The following LOC128462377 variants were observed in gnomAD, a reference collection of about 807,000 sequenced individuals.
At chr16:89,325,981 C>T in the LOC128462377 span, among the ~76,000 whole-genome samples, 13 of 152,334 alleles carry the variant, frequency 8.5e-5, no homozygotes, top group East Asian at 2.1e-3. Context: ...ATACACACTG[C>T]AGGGCACCCA....
chr16:89,349,629 C>T, the LOC128462377 span, among the ~76,000 whole-genome samples: 543 of 152,170 alleles, frequency 3.6e-3, 4 homozygotes, highest in African/African-American at 0.012. Context: ...TCTAACCTTA[C>T]CTTATGCCAT....
At chr16:89,330,557 T>C in the LOC128462377 span, among the ~76,000 whole-genome samples, 13 of 146,498 alleles carry the variant, frequency 8.9e-5, no homozygotes, top group African/African-American at 3.3e-4. Flanking sequence ...GATGGGGTGG[T>C]GTGGGGGGGA....
At chr16:89,360,836 C>G in the LOC128462377 span, 1 of 152,280 alleles carries the variant, frequency 6.6e-6, no homozygotes, top group African/African-American at 2.4e-5. Context: ...GATACCTGGT[C>G]AGTCACAGCC....
chr16:89,376,386 C>T, the LOC128462377 span, among the ~76,000 whole-genome samples: 222 of 152,310 alleles, frequency 1.5e-3, no homozygotes, highest in Non-Finnish European at 2.9e-3. Context: ...GATGAGGTCC[C>T]AGACACCATG....
chr16:89,319,186 A>G, the LOC128462377 span, among the ~76,000 whole-genome samples: 1 of 152,258 alleles, frequency 6.6e-6, no homozygotes, highest in African/African-American at 2.4e-5. Flanking sequence ...GCCCACGGAC[A>G]CACTCAACAG....
the LOC128462377 span, among the ~76,000 whole-genome samples, chr16:89,378,380 T>G: frequency 6.6e-6 from 1 of 152,240 alleles, no homozygotes; most frequent in East Asian, 1.9e-4. Flanking sequence ...ACATATATAA[T>G]GATTTCATCA....
At chr16:89,360,081 C>T in the LOC128462377 span, among the ~76,000 whole-genome samples, 112 of 152,250 alleles carry the variant, frequency 7.4e-4, no homozygotes, top group African/African-American at 2.6e-3. Context: ...AGTAGACCCC[C>T]GTGTCTGGTG....
chr16:89,414,822 C>T, the LOC128462377 span, among the ~76,000 whole-genome samples: 40 of 152,242 alleles, frequency 2.6e-4, no homozygotes, highest in Non-Finnish European at 2.9e-4. Context: ...AGCACAGCAC[C>T]GTGTACTGAA....
At chr16:89,415,034 T>C in the LOC128462377 span, among the ~76,000 whole-genome samples, 3 of 151,968 alleles carry the variant, frequency 2.0e-5, no homozygotes, top group Non-Finnish European at 4.4e-5. Context: ...AGCCTCAACC[T>C]CCTGGGCTCA....
At chr16:89,395,454 G>A in the LOC128462377 span, among the ~76,000 whole-genome samples, 16 of 152,234 alleles carry the variant, frequency 1.1e-4, no homozygotes, top group East Asian at 3.8e-4. Context: ...GCCAGCCCAC[G>A]GCTGGGACAC....
chr16:89,384,879 C>CTTTTTTTTTTTTTTTTTTTTTTTTTTTT, the LOC128462377 span, among the ~76,000 whole-genome samples: 21 of 49,940 alleles, frequency 4.2e-4, 3 homozygotes, highest in Non-Finnish European at 4.9e-4. Flanking sequence ...AAATAGTTTT[C>CTTTTTTTTTTTTTTTTTTTTTTTTTTTT]TTTTTTTTTT....
chr16:89,341,925 G>A, the LOC128462377 span, among the ~76,000 whole-genome samples: 263 of 144,844 alleles, frequency 1.8e-3, 1 homozygote, highest in African/African-American at 6.8e-3. Context: ...GGCCCACGGC[G>A]GGAGTGCTGC....
chr16:89,399,869 A>G, the LOC128462377 span, among the ~76,000 whole-genome samples: 6 of 152,274 alleles, frequency 3.9e-5, no homozygotes, highest in Non-Finnish European at 8.8e-5. Flanking sequence ...CAGGGCTTGG[A>G]TTCACACAGC....
chr16:89,372,716 G>A, the LOC128462377 span: 1 of 152,146 alleles, frequency 6.6e-6, no homozygotes, highest in Non-Finnish European at 1.5e-5. Flanking sequence ...GCTAGTAAAC[G>A]CTGAGCCCGG....
chr16:89,368,997 T>G, the LOC128462377 span, among the ~76,000 whole-genome samples: 1 of 152,118 alleles, frequency 6.6e-6, no homozygotes, highest in Admixed American at 6.5e-5. Context: ...GCATAGAGAC[T>G]TGGGAGTCAA....
chr16:89,324,686 C>T, the LOC128462377 span: 2 of 352,182 alleles, frequency 5.7e-6, no homozygotes, highest in Non-Finnish European at 1.1e-5. Context: ...TGCCCTCGAA[C>T]ATCAGACTCC....
the LOC128462377 span, among the ~76,000 whole-genome samples, chr16:89,355,823 G>A: frequency 6.6e-6 from 1 of 152,200 alleles, no homozygotes; most frequent in Admixed American, 6.5e-5. Flanking sequence ...GCAAGGGTCT[G>A]TGGCTCTCCT....
At chr16:89,384,537 AC>A in the LOC128462377 span, among the ~76,000 whole-genome samples, 2 of 90,224 alleles carry the variant, frequency 2.2e-5, no homozygotes, top group Non-Finnish European at 4.8e-5. Flanking sequence ...ATGGGATGGG[AC>A]TGGGATGGGA....
At chr16:89,366,126 T>G in the LOC128462377 span, among the ~76,000 whole-genome samples, 1 of 103,868 alleles carries the variant, frequency 9.6e-6, no homozygotes, top group Non-Finnish European at 1.8e-5. Context: ...TGAGACTCCA[T>G]CTCAAAAAAA....
Sources: allele counts gnomAD v4.1 joint callset (sites outside exome capture counted in the v4.1 genomes callset), GRCh38; gene constraint gnomAD v4.1.1; transcripts MANE v1.5.